Variants in PARVB observed in about 807,000 individuals in gnomAD.
PARVB encodes parvin beta.
Under a neutral mutation model 47.0 loss-of-function variants are expected in PARVB, and 46 were observed. The ratio of observed to expected loss-of-function variants is 0.98; its 90% CI spans 0.77 to 1.25. The LOEUF (loss-of-function observed/expected upper bound fraction) is 1.25, where lower values mean the gene tolerates loss of function less well. Ranked by LOEUF, PARVB falls within the 50% of genes most tolerant of loss-of-function variation. The pLI is 0.00. For synonymous variants in PARVB, 196 were observed against 196.3 expected, an observed-to-expected ratio of 1.00 and a Z score of 0.01; for missense variants, 473 against 471.6, an observed-to-expected ratio of 1.00 and a Z score of -0.03.
intron 12 of PARVB, among the ~76,000 whole-genome samples, chr22:44,166,716 T>C (rs1569167899): frequency 1.3e-5 from 2 of 152,214 alleles, no homozygotes; most frequent in Non-Finnish European, 2.9e-5. Flanking sequence ...GCACCTTCGC[T>C]GGGCCAGCAC....
rs771855984 is a variant in PARVB at position 44,163,946 on chromosome 22, C to A, written c.1018+16C>A. The A allele has an allele frequency of 3.1e-6, 5 of 1,602,220 alleles. No homozygotes were observed. The South Asian group carries it at 5.6e-5, about 18-fold the overall frequency. On this transcript the variant is annotated intron_variant, in intron 12 of 12. Transcript: ENST00000338758. Reference sequence around the variant, plus strand: ...CGTCCTGAAGGTAATGCCCCTGGCTCAGGTTCCCCCGGGAGAGGTGCGCAC... The same window carrying A: ...CGTCCTGAAGGTAATGCCCCTGGCTAAGGTTCCCCCGGGAGAGGTGCGCAC...
At chr22:44,016,964 C>G (rs1233907692) in intron 2 of PARVB, among the ~76,000 whole-genome samples, 1 of 152,178 alleles carries the variant, frequency 6.6e-6, no homozygotes, top group East Asian at 1.9e-4. Flanking sequence ...CAACCTCTGC[C>G]TCCTGGGTTC....
intron 1 of PARVB, among the ~76,000 whole-genome samples, chr22:44,092,599 G>A (rs1014592388): frequency 2.0e-5 from 3 of 152,126 alleles, no homozygotes; most frequent in Admixed American, 6.5e-5. Flanking sequence ...GTCCACAGAC[G>A]TGTCCCAAGA....
At chr22:44,166,862 C>G (rs2054179382) in intron 12 of PARVB, among the ~76,000 whole-genome samples, 1 of 152,230 alleles carries the variant, frequency 6.6e-6, no homozygotes, top group African/African-American at 2.4e-5. Context: ...CAGGAGGTAA[C>G]AGAGATAAGA....
At chr22:44,073,965 G>A (rs1381401895) in intron 1 of PARVB, among the ~76,000 whole-genome samples, 1 of 152,246 alleles carries the variant, frequency 6.6e-6, no homozygotes, top group Non-Finnish European at 1.5e-5. Context: ...CAGCCATTTG[G>A]TGGACACCTA....
chr22:44,122,927 T>C (rs1469089838), intron 4 of PARVB, among the ~76,000 whole-genome samples: 1 of 150,788 alleles, frequency 6.6e-6, no homozygotes, highest in Non-Finnish European at 1.5e-5. Context: ...TCATTTCTAA[T>C]ATTTTTCTAT....
In PARVB at chr22:44,101,624, G is replaced by A. The variant is rs945466322; in HGVS notation, c.273+1501G>A. ...AAATTTGCCGGGCATGGTGGTGGGT[G>A]CCTATAATCCTACCTACTCGGGAGG... is the stretch of plus-strand genomic sequence containing the variant. On this transcript the variant is annotated intron_variant, in intron 3 of 12. Transcript: ENST00000338758. Among the ~76,000 whole-genome samples the A allele has an allele frequency of 1.3e-4, 20 of 151,558 alleles. No individual in the cohort carries two copies. In the East Asian group the frequency reaches 3.9e-3, roughly 30 times the overall value.
chr22:44,094,885 C>G (rs2401522), intron 2 of PARVB, among the ~76,000 whole-genome samples: 90,388 of 151,314 alleles, frequency 0.6, 28,096 homozygotes, highest in East Asian at 0.86. Flanking sequence ...CTGGGCTTTG[C>G]GGTGCAGGAG....
At chr22:44,055,917 C>T (rs1490670834) in intron 1 of PARVB, among the ~76,000 whole-genome samples, 1 of 152,168 alleles carries the variant, frequency 6.6e-6, no homozygotes, top group Admixed American at 6.5e-5. Context: ...CTGTTGTACC[C>T]AGTCTACCGA....
chr22:44,058,636 C>A (rs2284154), intron 1 of PARVB, among the ~76,000 whole-genome samples: 73,515 of 147,272 alleles, frequency 0.5, 19,488 homozygotes, highest in African/African-American at 0.7. Flanking sequence ...CTCCCTGCAA[C>A]CTCCTCCTCC....
intron 1 of PARVB, among the ~76,000 whole-genome samples, chr22:44,076,056 G>A (rs2051765893): frequency 6.6e-6 from 1 of 152,250 alleles, no homozygotes; most frequent in African/African-American, 2.4e-5. Context: ...GGGGCAGGTG[G>A]GGCCGGGACT....
At position 44,122,528 on chromosome 22, in the gene PARVB, CAGAG is replaced by C. The variant is rs1286346736; in HGVS notation, c.376+3410_376+3413del. Among the ~76,000 whole-genome samples the C allele has an allele frequency of 7.3e-4, 41 of 56,122 alleles. 1 individual carries two copies. Among genetic ancestry groups the C allele is most frequent in the East Asian group, 5.4e-3 (7 of 1,298 alleles). The allele number at this position is 56,122 out of a possible 152,430, so 36.8% of individuals were successfully genotyped here. A position where few individuals can be genotyped will look rare whatever the true frequency, so the allele number is the denominator to read the frequency against. ...AGAGAGAGAGAGAGAGACAGAGAGACAGAGAGAGAGAGAGAGAGAGAGAGACACA... is the reference window on the plus strand; with the variant it reads ...AGAGAGAGAGAGAGAGACAGAGAGACAGAGAGAGAGAGAGAGAGAGACACA... On this transcript the variant is annotated intron_variant, in intron 4 of 12. Coordinates refer to ENST00000338758, the MANE Select transcript of PARVB (RefSeq NM_013327.5).
intron 8 of PARVB, 73 bp from the exon 9 acceptor site, chr22:44,147,788 C>T (rs1166335872): frequency 1.6e-6 from 2 of 1,238,232 alleles, no homozygotes; most frequent in Non-Finnish European, 1.2e-6. Flanking sequence ...CAGAAGCTGG[C>T]AGGGCCCTGG....
At chr22:44,095,034 C>T (rs927883156) in intron 2 of PARVB, among the ~76,000 whole-genome samples, 1 of 146,268 alleles carries the variant, frequency 6.8e-6, no homozygotes, top group Non-Finnish European at 1.5e-5. Context: ...GTGTAGGAGC[C>T]CCGTGAGAGC....
chr22:44,015,527 A>G (rs989679913), intron 2 of PARVB, among the ~76,000 whole-genome samples: 1 of 152,150 alleles, frequency 6.6e-6, no homozygotes, highest in Non-Finnish European at 1.5e-5. Context: ...TACATAATAC[A>G]TAGGATTGGG....
intron 3 of PARVB, 37 bp downstream of exon 3, chr22:44,100,160 G>A: frequency 6.5e-7 from 1 of 1,544,724 alleles, no homozygotes; most frequent in East Asian, 2.2e-5. Flanking sequence ...CTTCCTCTTA[G>A]GGCGAGGACT....
At chr22:44,100,911 C>T (rs1601601287) in intron 3 of PARVB, among the ~76,000 whole-genome samples, 1 of 152,104 alleles carries the variant, frequency 6.6e-6, no homozygotes, top group Admixed American at 6.5e-5. Flanking sequence ...CCATAGCCCA[C>T]GGCGAGCTTG....
intron 8 of PARVB, 52 bp from the exon 9 acceptor site, chr22:44,147,809 C>A: frequency 6.7e-7 from 1 of 1,497,240 alleles, no homozygotes; most frequent in Non-Finnish European, 9.3e-7. Context: ...ATTAGGGCAG[C>A]ACCACGGGTT....
intron 8 of PARVB, 24 bp downstream of exon 8, chr22:44,140,167 G>A (rs1240473705): frequency 1.0e-5 from 16 of 1,564,074 alleles, no homozygotes; most frequent in African/African-American, 1.5e-5. Context: ...GGGAAAGTGG[G>A]GAGATGGAGG....
Sources: gnomAD v4.1 joint callset for allele counts (sites outside exome capture counted in the v4.1 genomes callset) on GRCh38, gnomAD v4.1.1 for gene constraint, MANE v1.5 for transcripts, NCBI Gene and HGNC (gene_info 2026-07-23, HGNC 2026-07-21) for gene names.